Variants in SHANK2 observed in about 807,000 individuals in gnomAD.
The protein encoded by SHANK2 is SH3 and multiple ankyrin repeat domains protein 2.
Under a neutral mutation model 133.7 loss-of-function variants are expected in SHANK2, and 43 were observed. That is an observed-to-expected ratio of 0.32 (90% confidence interval 0.25 to 0.41). The LOEUF is 0.41. Ranked by LOEUF, SHANK2 falls within the 10% of genes least tolerant of loss-of-function variation. The pLI is 1.00. For synonymous variants in SHANK2, 1,017 were observed against 952.8 expected (o/e 1.07, Z -1.24); for missense variants, 1,994 against 2,235.8 (o/e 0.89, Z 2.18).
chr11:70,758,751 C>G (rs533315947), intron 14 of SHANK2, among the ~76,000 whole-genome samples: 4 of 152,344 alleles, frequency 2.6e-5, no homozygotes, highest in Admixed American at 2.0e-4. Flanking sequence ...CCTCAGCAGT[C>G]CCTGGCTTGT....
intron 14 of SHANK2, among the ~76,000 whole-genome samples, chr11:70,770,164 A>G (rs1947216117): frequency 6.6e-6 from 1 of 152,202 alleles, no homozygotes; most frequent in Admixed American, 6.5e-5. Flanking sequence ...GCTCTGGTCT[A>G]GGGGAGAAAG....
chr11:70,490,946 C>A (rs1416439683), intron 22 of SHANK2, among the ~76,000 whole-genome samples: 4 of 152,206 alleles, frequency 2.6e-5, no homozygotes, highest in African/African-American at 9.7e-5. Context: ...TTAAGCAAGC[C>A]CTGGAGCTGC....
chr11:70,795,389 T>G (rs1947885037), intron 14 of SHANK2, among the ~76,000 whole-genome samples: 1 of 145,296 alleles, frequency 6.9e-6, no homozygotes, highest in Non-Finnish European at 1.5e-5. Context: ...TCTTTTCTTT[T>G]TTCTTTTCTT....
At chr11:70,811,369 C>T (rs543738865) in intron 12 of SHANK2, among the ~76,000 whole-genome samples, 25 of 152,276 alleles carry the variant, frequency 1.6e-4, no homozygotes, top group South Asian at 8.3e-4. Flanking sequence ...AGGAACCCCA[C>T]GGCCCCACTG....
intron 17 of SHANK2, among the ~76,000 whole-genome samples, chr11:70,632,920 C>T (rs2061016455): frequency 6.6e-6 from 1 of 152,026 alleles, no homozygotes; most frequent in South Asian, 2.1e-4. Context: ...GAAGCCTGGG[C>T]CCCTTTAATC....
chr11:70,716,746 CG>C (rs1945932435), intron 14 of SHANK2, among the ~76,000 whole-genome samples: 1 of 152,188 alleles, frequency 6.6e-6, no homozygotes, highest in Admixed American at 6.5e-5. Flanking sequence ...AGTTGCCAGG[CG>C]GGTGAAGACC....
intron 7 of SHANK2, among the ~76,000 whole-genome samples, chr11:71,093,054 G>T (rs1042838609): frequency 7.1e-6 from 1 of 141,460 alleles, no homozygotes; most frequent in East Asian, 2.2e-4. Flanking sequence ...AAAATAAAGG[G>T]GGGGGGGGGC....
At chr11:70,924,363 G>C (rs1239536128) in intron 10 of SHANK2, among the ~76,000 whole-genome samples, 1 of 152,128 alleles carries the variant, frequency 6.6e-6, no homozygotes, top group Non-Finnish European at 1.5e-5. Flanking sequence ...CTCGGGGCCG[G>C]GCTCAGGTGT....
chr11:70,502,790 A>C lies in SHANK2; in HGVS notation c.2197+6T>G, dbSNP rs1282500567. 7.8e-7 allele frequency: 1 copy of C among 1,289,970 alleles called. No individual in the cohort carries two copies. The highest frequency in any genetic ancestry group is 1.0e-6 in the Non-Finnish European group (1 of 973,754). The allele number at this position is 1,289,970 out of a possible 1,614,324, so 79.9% of individuals were successfully genotyped here. ...AGGCTGGAGCTGGGCGATGTGGGGCATGTACCTTTCTTCCTGGCGGTGTCG... is the reference window on the plus strand; with the variant it reads ...AGGCTGGAGCTGGGCGATGTGGGGCCTGTACCTTTCTTCCTGGCGGTGTCG... On this transcript the variant is annotated splice_donor_region_variant and intron_variant, in intron 18 of 25. Transcript: ENST00000601538.
rs781874391 is a variant in SHANK2 at position 71,232,550 on chromosome 11, TCTC to T, written c.-112-7757_-112-7755del. On this transcript the variant is annotated intron_variant, in intron 1 of 25. Coordinates refer to ENST00000601538, the MANE Select transcript of SHANK2 (RefSeq NM_012309.5). The stretch of plus-strand genomic sequence containing the variant: ...CCTCCTCCTCCTCTTTCCCCCCTCC[TCTC>T]CTCCTCCTCCTCCTCCTCTTCAGCC... 6.0e-4 allele frequency among the ~76,000 whole-genome samples: 91 copies of T among 150,688 alleles called. 1 individual carries two copies. Among genetic ancestry groups the T allele is most frequent in the South Asian group, 1.3e-3 (6 of 4,722 alleles).
chr11:71,237,516 C>G (rs1004806773), intron 1 of SHANK2, among the ~76,000 whole-genome samples: 1 of 152,210 alleles, frequency 6.6e-6, no homozygotes, highest in Non-Finnish European at 1.5e-5. Context: ...GGTTAACTAA[C>G]ACGACCCTCA....
At chr11:70,951,688 G>A (rs1462926255) in intron 10 of SHANK2, among the ~76,000 whole-genome samples, 1 of 151,068 alleles carries the variant, frequency 6.6e-6, no homozygotes. Context: ...TAAAGTGGGT[G>A]GCTTAAACAA....
At chr11:70,524,440 G>C (rs1339273036) in intron 17 of SHANK2, among the ~76,000 whole-genome samples, 1 of 152,202 alleles carries the variant, frequency 6.6e-6, no homozygotes, top group Non-Finnish European at 1.5e-5. Flanking sequence ...GGAGCAAATC[G>C]GTACAACCCC....
intron 8 of SHANK2, among the ~76,000 whole-genome samples, chr11:71,088,873 G>C (rs897882814): frequency 7.3e-6 from 1 of 137,480 alleles, no homozygotes; most frequent in African/African-American, 2.8e-5. Context: ...GCCTCCCCTC[G>C]TCCTGAACTT....
At chr11:70,840,260 G>A (rs138865578) in intron 11 of SHANK2, among the ~76,000 whole-genome samples, 3 of 152,300 alleles carry the variant, frequency 2.0e-5, no homozygotes, top group African/African-American at 7.2e-5. Context: ...TGGGTGCCTC[G>A]GAGGGCAGGT....
intron 11 of SHANK2, among the ~76,000 whole-genome samples, chr11:70,868,924 G>A (rs1338223382): frequency 6.6e-6 from 1 of 152,208 alleles, no homozygotes; most frequent in Non-Finnish European, 1.5e-5. Flanking sequence ...AGGCTGAACT[G>A]TGTCACCTGC....
At chr11:70,914,403 TCCC>T (rs1354986004) in intron 10 of SHANK2, among the ~76,000 whole-genome samples, 1 of 151,424 alleles carries the variant, frequency 6.6e-6, no homozygotes, top group Non-Finnish European at 1.5e-5. Context: ...ACACCACACC[TCCC>T]ACCTGTCCAT....
intron 14 of SHANK2, among the ~76,000 whole-genome samples, chr11:70,737,580 A>G (rs1946431029): frequency 6.6e-6 from 1 of 151,828 alleles, no homozygotes; most frequent in Admixed American, 6.6e-5. Flanking sequence ...CACATGATAC[A>G]CCCCATTTCT....
intron 14 of SHANK2, among the ~76,000 whole-genome samples, chr11:70,735,602 G>T (rs1555033346): frequency 6.6e-6 from 1 of 151,988 alleles, no homozygotes; most frequent in Non-Finnish European, 1.5e-5. Context: ...TACTTGGGAG[G>T]CTGAGGCAGA....
Sources: allele counts gnomAD v4.1 joint callset (sites outside exome capture counted in the v4.1 genomes callset), GRCh38; gene constraint gnomAD v4.1.1; transcripts MANE v1.5; gene names NCBI Gene and HGNC (gene_info 2026-07-23, HGNC 2026-07-21).